SAMSN1: variants seen among roughly 807,000 people sequenced by gnomAD.
SAMSN1 encodes the protein SAM domain, SH3 domain and nuclear localization signals 1.
A neutral mutation model predicts 42.0 loss-of-function variants in SAMSN1; 31 were observed. The observed-to-expected ratio is 0.74, with a 90% CI of 0.55 to 1.00. The LOEUF is 1.00. SAMSN1 is among the 50% of genes least tolerant of loss of function. The pLI, the probability that SAMSN1 is intolerant of heterozygous loss-of-function variation, is 0.00. For synonymous variants in SAMSN1, 178 were observed against 151.9 expected, an observed-to-expected ratio of 1.17 and a Z score of -1.26; for missense variants, 464 against 439.4, an observed-to-expected ratio of 1.06 and a Z score of -0.50.
intron 5 of SAMSN1, among the ~76,000 whole-genome samples, chr21:14,508,958 T>A (rs927542598): frequency 6.6e-6 from 1 of 151,746 alleles, no homozygotes; most frequent in African/African-American, 2.4e-5. Flanking sequence ...TGAAACCCCA[T>A]CTCTACTAAA....
At chr21:14,576,526 C>CAATAATT (rs1244067284) in intron 2 of SAMSN1, among the ~76,000 whole-genome samples, 1 of 152,146 alleles carries the variant, frequency 6.6e-6, no homozygotes, top group Non-Finnish European at 1.5e-5. Flanking sequence ...TTTCCCATGC[C>CAATAATT]AATAATTAGC....
chr21:14,569,680 G>C (rs1403183486), intron 2 of SAMSN1, among the ~76,000 whole-genome samples: 1 of 152,098 alleles, frequency 6.6e-6, no homozygotes, highest in East Asian at 1.9e-4. Flanking sequence ...CATAAAATGG[G>C]AACTGGCCAA....
chr21:14,612,414 T>C (rs1982731765), intron 4 of SAMSN1: 1 of 220,288 alleles, frequency 4.5e-6, no homozygotes, highest in African/African-American at 2.3e-5. Context: ...ACCAAACTGA[T>C]TGCATGTATT....
At chr21:14,539,106 C>A (rs1300280928) in intron 1 of SAMSN1, among the ~76,000 whole-genome samples, 1 of 152,160 alleles carries the variant, frequency 6.6e-6, no homozygotes, top group Non-Finnish European at 1.5e-5. Context: ...CTTTAGGTAA[C>A]AATGGGATTC....
chr21:14,510,589 C>T, intron 4 of SAMSN1, 128 bp from the exon 5 acceptor site: 1 of 1,033,124 alleles, frequency 9.7e-7, no homozygotes, highest in Admixed American at 2.0e-5. Flanking sequence ...TTCTAATTGA[C>T]CCATCCTGGT....
At chr21:14,637,867 C>T (rs1363537373) in intron 2 of SAMSN1, among the ~76,000 whole-genome samples, 1 of 152,152 alleles carries the variant, frequency 6.6e-6, no homozygotes, top group Non-Finnish European at 1.5e-5. Context: ...AGATAGCCAC[C>T]TTCTGAAAGC....
intron 2 of SAMSN1, among the ~76,000 whole-genome samples, chr21:14,621,746 T>A (rs1983014191): frequency 6.6e-6 from 1 of 152,208 alleles, no homozygotes; most frequent in African/African-American, 2.4e-5. Context: ...CAGACTTAAA[T>A]GTCCCTGTCT....
chr21:14,561,177 A>G (rs994265298), intron 2 of SAMSN1, among the ~76,000 whole-genome samples: 3 of 152,112 alleles, frequency 2.0e-5, no homozygotes, highest in African/African-American at 7.2e-5. Context: ...TCATGACTCA[A>G]CTGGTCATGT....
At chr21:14,488,738 T>C (rs967205177) in intron 7 of SAMSN1, among the ~76,000 whole-genome samples, 2 of 152,170 alleles carry the variant, frequency 1.3e-5, no homozygotes, top group Non-Finnish European at 2.9e-5. Context: ...AAGAAAATAG[T>C]TTCTGAGTAT....
intron 2 of SAMSN1, among the ~76,000 whole-genome samples, chr21:14,562,731 C>A (rs1020889730): frequency 2.6e-5 from 4 of 152,014 alleles, no homozygotes; most frequent in East Asian, 1.9e-4. Flanking sequence ...AAAATGAATT[C>A]ATATCCATAT....
At position 14,540,404 on chromosome 21, in the gene SAMSN1, G is replaced by A. The variant is rs182140121; in HGVS notation, c.57+5801C>T. ...TTGCAATCTACTCATCTGACAAAGC[G>A]CTAATATCCAGAATCTACAGTGAAC... On this transcript the variant is annotated intron_variant, in intron 1 of 7. Coordinates refer to ENST00000400566, the MANE Select transcript of SAMSN1 (RefSeq NM_022136.5). 6.6e-4 allele frequency among the ~76,000 whole-genome samples: 101 copies of A among 152,236 alleles called. 2 individuals are homozygous for A. The East Asian group carries it at 6.7e-3, about 10-fold the overall frequency.
intron 1 of SAMSN1, among the ~76,000 whole-genome samples, chr21:14,542,616 A>G (rs975288304): frequency 6.6e-6 from 1 of 152,210 alleles, no homozygotes; most frequent in Non-Finnish European, 1.5e-5. Context: ...TTTTAAAATC[A>G]CTATCAGTAA....
intron 2 of SAMSN1, among the ~76,000 whole-genome samples, chr21:14,572,509 G>C (rs963303099): frequency 6.6e-6 from 1 of 152,170 alleles, no homozygotes; most frequent in African/African-American, 2.4e-5. Context: ...TCAGGACTAA[G>C]AGTTAGGAGG....
intron 2 of SAMSN1, among the ~76,000 whole-genome samples, chr21:14,569,989 C>T (rs552546169): frequency 6.6e-6 from 1 of 151,842 alleles, no homozygotes; most frequent in Non-Finnish European, 1.5e-5. Context: ...CACTTTCCCC[C>T]CCCCCAGTTT....
chr21:14,528,002 T>C (rs551176801), intron 1 of SAMSN1, among the ~76,000 whole-genome samples: 6 of 152,296 alleles, frequency 3.9e-5, no homozygotes, highest in Middle Eastern at 3.4e-3. Context: ...TATTTTGATA[T>C]GTTTTAAATA....
chr21:14,612,188 G>C (rs1042370080), intron 4 of SAMSN1, among the ~76,000 whole-genome samples: 1 of 152,140 alleles, frequency 6.6e-6, no homozygotes, highest in Admixed American at 6.5e-5. Context: ...AGCCAAGATT[G>C]CACCATTGCA....
At chr21:14,637,551 G>A (rs1311210095) in intron 2 of SAMSN1, among the ~76,000 whole-genome samples, 1 of 152,060 alleles carries the variant, frequency 6.6e-6, no homozygotes, top group Non-Finnish European at 1.5e-5. Context: ...ATGGGGTTTG[G>A]GTATCTGTTT....
exon 2 of SAMSN1, chr21:14,582,285 G>T: frequency 6.4e-7 from 1 of 1,550,760 alleles, no homozygotes; most frequent in Non-Finnish European, 8.7e-7. Flanking sequence ...TTCCAGTGAT[G>T]CCACATGTAA....
chr21:14,603,569 C>T (rs1217889424), intron 5 of SAMSN1, among the ~76,000 whole-genome samples: 3 of 152,058 alleles, frequency 2.0e-5, no homozygotes, highest in African/African-American at 7.2e-5. Context: ...ATAAACGGAA[C>T]ATGTTTAATT....
Sources: allele counts gnomAD v4.1 joint callset (sites outside exome capture counted in the v4.1 genomes callset), GRCh38; gene constraint gnomAD v4.1.1; transcripts MANE v1.5; gene names NCBI Gene and HGNC (gene_info 2026-07-23, HGNC 2026-07-21).